Variants in NKIRAS1 observed in about 807,000 individuals in gnomAD.
NKIRAS1 encodes NF-kappa-B inhibitor-interacting Ras-like protein 1.
In NKIRAS1, 16 loss-of-function variants were observed where a neutral mutation model predicts 19.8. The ratio of observed to expected loss-of-function variants is 0.81; its 90% CI spans 0.55 to 1.23. The LOEUF (loss-of-function observed/expected upper bound fraction) is 1.23. NKIRAS1 is among the 50% of genes most tolerant of loss of function. The probability of loss-of-function intolerance (pLI) is 0.00; values close to 1 mark genes in which losing one functional copy is unlikely to be tolerated. For missense variants in NKIRAS1, 184 were observed against 220.0 expected, an observed-to-expected ratio of 0.84 and a Z score of 1.04; for synonymous variants, 88 against 79.0, an observed-to-expected ratio of 1.11 and a Z score of -0.61.
intron 1 of NKIRAS1, chr3:23,945,668 G>A: frequency 1.0e-6 from 1 of 1,000,024 alleles, no homozygotes; most frequent in Non-Finnish European, 1.3e-6. Flanking sequence ...TTTGGGGGGC[G>A]GCGGCAGGGG....
Position 23,911,424 on chromosome 3 carries a change from A to T in NKIRAS1, c.-113T>A, listed in dbSNP as rs1166473334. On this transcript the variant is annotated 5_prime_UTR_variant, in exon 2 of 5. Transcript: ENST00000425478. ...AGCTGAGATTGCACCACTTCACTCCAGCCTGGGTGAAAGAGCTAGACTCTG... is the reference window on the plus strand; with the variant it reads ...AGCTGAGATTGCACCACTTCACTCCTGCCTGGGTGAAAGAGCTAGACTCTG... The T allele has an allele frequency of 6.4e-6, 1 of 155,562 alleles. No individual in the cohort carries two copies. The highest frequency in any genetic ancestry group is 1.9e-4 in the East Asian group (1 of 5,248). The allele number at this position is 155,562 out of a possible 1,614,324, so 9.6% of individuals were successfully genotyped here. A position where few individuals can be genotyped will look rare whatever the true frequency, so the allele number is the denominator to read the frequency against.
chr3:23,946,411 G>A (rs951553896), exon 1 of NKIRAS1: 1 of 552,998 alleles, frequency 1.8e-6, no homozygotes, highest in Non-Finnish European at 2.3e-6. Context: ...TTTCCCGAAG[G>A]GATACGCTCG....
chr3:23,910,282 C>T (rs1703554475), intron 3 of NKIRAS1, among the ~76,000 whole-genome samples: 1 of 151,608 alleles, frequency 6.6e-6, no homozygotes, highest in East Asian at 1.9e-4. Flanking sequence ...CTCACCCCCT[C>T]AAGTAGCAGG....
chr3:23,901,179 CTTTTTTT>C (rs369838815), intron 3 of NKIRAS1, 130 bp from the exon 4 acceptor site: 34 of 729,286 alleles, frequency 4.7e-5, no homozygotes, highest in Admixed American at 6.2e-5. Flanking sequence ...TTCTATTTTA[CTTTTTTT>C]TTTTTTTTTT....
intron 1 of NKIRAS1, among the ~76,000 whole-genome samples, chr3:23,937,710 T>A (rs1415326524): frequency 6.6e-6 from 1 of 152,188 alleles, no homozygotes; most frequent in Admixed American, 6.5e-5. Context: ...TTTTAAAAAA[T>A]ATCTGTTTAG....
chr3:23,904,740 T>C (rs566151151), intron 3 of NKIRAS1, among the ~76,000 whole-genome samples: 65 of 152,168 alleles, frequency 4.3e-4, no homozygotes, highest in African/African-American at 1.3e-3. Flanking sequence ...AAGAAGACAA[T>C]AGAAGCTGAT....
At chr3:23,910,274 C>A (rs1199729150) in intron 3 of NKIRAS1, among the ~76,000 whole-genome samples, 8 of 151,286 alleles carry the variant, frequency 5.3e-5, no homozygotes, top group Non-Finnish European at 1.2e-4. Flanking sequence ...TCTCCTGCCT[C>A]ACCCCCTCAA....
At chr3:23,897,210 A>G (rs962050628) in intron 4 of NKIRAS1, among the ~76,000 whole-genome samples, 10 of 150,158 alleles carry the variant, frequency 6.7e-5, no homozygotes, top group Non-Finnish European at 8.9e-5. Context: ...GAAATAGGGA[A>G]AAAAAAAAAG....
At chr3:23,932,526 T>A (rs1705335847) in intron 1 of NKIRAS1, among the ~76,000 whole-genome samples, 1 of 151,714 alleles carries the variant, frequency 6.6e-6, no homozygotes, top group South Asian at 2.1e-4. Context: ...CCATCTCTAC[T>A]AAAAAAACAA....
intron 1 of NKIRAS1, among the ~76,000 whole-genome samples, chr3:23,913,453 G>A (rs887467371): frequency 3.3e-5 from 5 of 152,116 alleles, no homozygotes; most frequent in African/African-American, 1.2e-4. Context: ...TTCCAAATAG[G>A]AAACAATACC....
rs777801499 is a variant in NKIRAS1, at chr3:23,900,797, T to C, written c.336+11A>G. The stretch of plus-strand genomic sequence containing the variant: ...TAATTCACATTTGGCATTTTTAACA[T>C]ATCCACTTGCCTCTTTTTTGTCTTT... On this transcript the variant is annotated intron_variant, in intron 4 of 4. Transcript: ENST00000425478. 3 of 1,608,758 alleles carry C rather than the reference T, an allele frequency of 1.9e-6. No homozygotes were observed. The highest frequency in any genetic ancestry group is 1.1e-5 in the South Asian group (1 of 90,740).
rs145775978 is a variant in NKIRAS1, at chr3:23,907,740, C to G, written c.94+3071G>C. 3.2e-3 allele frequency among the ~76,000 whole-genome samples: 493 copies of G among 152,122 alleles called. 1 individual carries two copies. Among genetic ancestry groups the G allele is most frequent in the African/African-American group, 0.011 (472 of 41,502 alleles). On this transcript the variant is annotated intron_variant, in intron 3 of 4. Transcript: ENST00000425478. ...TTACTTAAGAATGTCCTTAATGAAG[C>G]AATAAAAATGACTAATTTTATTAAA...
chr3:23,908,069 G>A (rs1444515722), intron 3 of NKIRAS1, among the ~76,000 whole-genome samples: 1 of 152,132 alleles, frequency 6.6e-6, no homozygotes, highest in East Asian at 1.9e-4. Flanking sequence ...AATCAGAATT[G>A]TATCCATCAT....
upstream of NKIRAS1, chr3:23,918,546 G>A (rs1176461137): frequency 1.2e-6 from 2 of 1,614,036 alleles, no homozygotes; most frequent in South Asian, 2.2e-5. Flanking sequence ...ACCAGCTAAA[G>A]TTTGCTCGAA....
At chr3:23,940,346 T>TAAA (rs35882098) in intron 1 of NKIRAS1, among the ~76,000 whole-genome samples, 3 of 150,006 alleles carry the variant, frequency 2.0e-5, no homozygotes, top group Non-Finnish European at 3.0e-5. Context: ...GACCTGTTTC[T>TAAA]AAAAAAAAAT....
intron 3 of NKIRAS1, among the ~76,000 whole-genome samples, chr3:23,903,207 G>A (rs1175082417): frequency 6.6e-6 from 1 of 152,120 alleles, no homozygotes; most frequent in African/African-American, 2.4e-5. Flanking sequence ...TCAACCTCCT[G>A]GGCTCAAGCG....
Position 23,890,451 on chromosome 3 carries a change from C to A in NKIRAS1, c.*2644G>T. 6.4e-7 allele frequency: 1 copy of A among 1,557,794 alleles called. No homozygotes were observed. Among genetic ancestry groups the A allele is most frequent in the South Asian group, 1.2e-5 (1 of 84,474 alleles). On this transcript the variant is annotated 3_prime_UTR_variant, in exon 5 of 5. Transcript: ENST00000425478. ...TATCTACCCAAGCTGTCACTATTCG[C>A]TAAAGTTTAAAATGTTCTTTTCCTT... is the stretch of plus-strand genomic sequence containing the variant.
At chr3:23,937,697 A>T (rs1705420357) in intron 1 of NKIRAS1, among the ~76,000 whole-genome samples, 1 of 151,802 alleles carries the variant, frequency 6.6e-6, no homozygotes, top group South Asian at 2.1e-4. Context: ...TTTCTTTCTT[A>T]CTTTTTAAAA....
rs926899769 is a variant in NKIRAS1, at chr3:23,927,160, A to C, written c.-139-15710T>G. Among the ~76,000 whole-genome samples, 1 of 152,218 alleles carries C rather than the reference A, an allele frequency of 6.6e-6. No individual in the cohort carries two copies. The highest frequency in any genetic ancestry group is 1.5e-5 in the Non-Finnish European group (1 of 68,042). ...AGTTTTCAACCTATTTTTATATAAG[A>C]AAAATAAACTGAAAATAAAGCCTTT... On this transcript the variant is annotated intron_variant, in intron 1 of 4. Coordinates refer to the NKIRAS1 transcript ENST00000421515. This position sits in a 1 kb window ranked among gnomAD's most constrained non-coding sequence, Gnocchi z 4.0.
Sources: gnomAD v4.1 joint callset for allele counts (sites outside exome capture counted in the v4.1 genomes callset) on GRCh38, gnomAD v4.1.1 for gene constraint, Gnocchi (gnomAD v3.1) non-coding constraint, MANE v1.5 for transcripts, NCBI Gene and HGNC (gene_info 2026-07-23, HGNC 2026-07-21) for gene names.